Variants in SKIC8 observed in about 807,000 individuals in gnomAD.
SKIC8 encodes the protein SKI8 subunit of superkiller complex, also known as superkiller complex protein 8.
At chr15:78,298,642 AAC>A in the SKIC8 span, among the ~76,000 whole-genome samples, 2 of 152,192 alleles carry the variant, frequency 1.3e-5, no homozygotes, top group Admixed American at 6.5e-5. Flanking sequence ...TATGAGAAAA[AAC>A]ACAGTATAGA....
At chr15:78,285,171 G>C in the SKIC8 span, 1 of 1,287,128 alleles carries the variant, frequency 7.8e-7, no homozygotes, top group South Asian at 1.2e-5. Flanking sequence ...GGTATCCACA[G>C]CTCAAGCAAC....
chr15:78,285,140 G>A, the SKIC8 span: 2 of 875,180 alleles, frequency 2.3e-6, no homozygotes, highest in African/African-American at 3.4e-5. Context: ...AGATAGAGCA[G>A]CTCAGGCCCA....
chr15:78,286,024 T>C, the SKIC8 span: 1 of 1,607,564 alleles, frequency 6.2e-7, no homozygotes, highest in South Asian at 1.1e-5. Context: ...TAGAAACTGC[T>C]AAGAATCATT....
the SKIC8 span, chr15:78,285,230 ACTAT>A: frequency 5.6e-6 from 9 of 1,607,306 alleles, no homozygotes; most frequent in African/African-American, 1.2e-4. Context: ...AACAACCCCG[ACTAT>A]CTAAAGATGA....
At chr15:78,293,811 G>A in the SKIC8 span, among the ~76,000 whole-genome samples, 1 of 152,128 alleles carries the variant, frequency 6.6e-6, no homozygotes, top group African/African-American at 2.4e-5. Context: ...CTATGAAGTG[G>A]GTACTATTAA....
At chr15:78,293,438 A>C in the SKIC8 span, 1 of 613,608 alleles carries the variant, frequency 1.6e-6, no homozygotes, top group Non-Finnish European at 2.8e-6. Context: ...ACATATGAAA[A>C]TTGGAGGTTC....
chr15:78,285,980 A>G, the SKIC8 span: 3 of 1,395,692 alleles, frequency 2.1e-6, no homozygotes, highest in Non-Finnish European at 3.0e-6. Context: ...AAGGCAATCT[A>G]TACAAGAAGA....
the SKIC8 span, chr15:78,299,588 A>G: frequency 6.6e-6 from 1 of 152,424 alleles, no homozygotes; most frequent in Non-Finnish European, 1.5e-5. Flanking sequence ...TGCACGTCGG[A>G]AGCCGGGCTC....
At chr15:78,287,939 T>C in the SKIC8 span, among the ~76,000 whole-genome samples, 2 of 152,144 alleles carry the variant, frequency 1.3e-5, no homozygotes, top group Admixed American at 1.3e-4. Flanking sequence ...CTCTAATTTC[T>C]TCCTGTCCCC....
At chr15:78,294,996 T>G in the SKIC8 span, 1 of 1,614,048 alleles carries the variant, frequency 6.2e-7, no homozygotes, top group South Asian at 1.1e-5. Context: ...AGAAGCCACA[T>G]TAAACCCATG....
At chr15:78,296,763 A>G in the SKIC8 span, among the ~76,000 whole-genome samples, 61 of 152,316 alleles carry the variant, frequency 4.0e-4, no homozygotes, top group South Asian at 8.5e-3. Flanking sequence ...TTGGCCTCCC[A>G]AAGTGCTGGG....
At chr15:78,295,166 A>T in the SKIC8 span, 1 of 619,976 alleles carries the variant, frequency 1.6e-6, no homozygotes, top group Non-Finnish European at 2.8e-6. Context: ...TCAGAAAAAA[A>T]TTCTTAAAGA....
At chr15:78,298,851 A>G in the SKIC8 span, among the ~76,000 whole-genome samples, 205 of 152,268 alleles carry the variant, frequency 1.3e-3, 1 homozygote, top group Non-Finnish European at 2.6e-3. Flanking sequence ...AAGAAAAGGG[A>G]GGCTTAGAAG....
chr15:78,285,161 G>A, the SKIC8 span: 1 of 1,109,448 alleles, frequency 9.0e-7, no homozygotes, highest in Non-Finnish European at 1.4e-6. Context: ...GGCATCTACT[G>A]GTATCCACAG....
the SKIC8 span, chr15:78,283,502 T>C: frequency 1.2e-6 from 2 of 1,613,774 alleles, no homozygotes; most frequent in South Asian, 2.2e-5. Context: ...ACCATTTCCA[T>C]TGTATTTTAC....
At chr15:78,285,007 G>C in the SKIC8 span, 3 of 474,924 alleles carry the variant, frequency 6.3e-6, no homozygotes, top group African/African-American at 5.8e-5. Context: ...AAGGCTGTGG[G>C]GCTAACACCA....
chr15:78,283,751 T>C, the SKIC8 span: 1 of 439,734 alleles, frequency 2.3e-6, no homozygotes, highest in Non-Finnish European at 4.0e-6. Context: ...AAAAAAATCA[T>C]TTTTAAATAC....
chr15:78,295,563 G>A, the SKIC8 span: 15 of 1,469,342 alleles, frequency 1.0e-5, no homozygotes, highest in Admixed American at 1.0e-4. Flanking sequence ...AGCTCTTTAG[G>A]AGCCAGGCAA....
At chr15:78,286,165 A>C in the SKIC8 span, 1 of 1,591,156 alleles carries the variant, frequency 6.3e-7, no homozygotes, top group African/African-American at 1.3e-5. Context: ...CAAAATTGAG[A>C]TGTTAATTTC....
Sources: allele counts gnomAD v4.1 joint callset (sites outside exome capture counted in the v4.1 genomes callset), GRCh38; gene constraint gnomAD v4.1.1; transcripts MANE v1.5; gene names NCBI Gene and HGNC (gene_info 2026-07-23, HGNC 2026-07-21).